DDX10: variants seen among roughly 807,000 people sequenced by gnomAD.
The protein encoded by DDX10 is DEAD-box helicase 10, also known as probable ATP-dependent RNA helicase DDX10.
In DDX10, 74 loss-of-function variants were observed where a neutral mutation model predicts 104.3. The ratio of observed to expected loss-of-function variants is 0.71; its 90% confidence interval spans 0.59 to 0.86. The LOEUF is 0.86. DDX10 is among the 40% of genes least tolerant of loss of function. The pLI, the probability that DDX10 is intolerant of heterozygous loss-of-function variation, is 0.00. For missense variants in DDX10, 952 were observed against 1,040.0 expected, an observed-to-expected ratio of 0.92 and a Z score of 1.16; for synonymous variants, 351 against 353.4, an observed-to-expected ratio of 0.99 and a Z score of 0.08.
chr11:108,832,153 G>C (rs751378596), intron 13 of DDX10, among the ~76,000 whole-genome samples: 2 of 151,782 alleles, frequency 1.3e-5, no homozygotes, highest in African/African-American at 2.4e-5. Context: ...TATATTTTTT[G>C]TTAATGAATT....
chr11:108,894,933 A>T (rs1385492003), intron 16 of DDX10, among the ~76,000 whole-genome samples: 1 of 151,982 alleles, frequency 6.6e-6, no homozygotes, highest in Non-Finnish European at 1.5e-5. Flanking sequence ...TTTCTCACAT[A>T]ACCTAGGTAG....
chr11:108,819,099 T>A (rs1862292078), intron 13 of DDX10, among the ~76,000 whole-genome samples: 1 of 152,190 alleles, frequency 6.6e-6, no homozygotes, highest in African/African-American at 2.4e-5. Context: ...TCCCTTCTTG[T>A]GACTTTGTTT....
At chr11:108,687,672 G>A (rs2094246300) in intron 6 of DDX10, among the ~76,000 whole-genome samples, 1 of 152,044 alleles carries the variant, frequency 6.6e-6, no homozygotes, top group African/African-American at 2.4e-5. Context: ...TGTATATTTT[G>A]GAGAACAGTC....
rs1360688478 is a variant in DDX10, at chr11:108,706,775, A to G, written c.1260A>G (p.Leu420=). The change falls in exon 10 of 18, where the codon CTA becomes CTG. Residue 420 remains leucine, a synonymous_variant. Coordinates refer to ENST00000322536, the MANE Select transcript of DDX10 (RefSeq NM_004398.4). The part of the protein sequence containing the change: ...KEDGEALLIL[L]PSEKAMVQQL... Reference sequence around the variant, plus strand: ...ATGGTGAAGCTTTGCTAATTTTGCTACCCTCAGAAAAAGCTATGGTGCAGC... The same window carrying G: ...ATGGTGAAGCTTTGCTAATTTTGCTGCCCTCAGAAAAAGCTATGGTGCAGC... 5 of 1,614,100 alleles carry G rather than the reference A, an allele frequency of 3.1e-6. No individual in the cohort carries two copies. Among genetic ancestry groups the G allele is most frequent in the Non-Finnish European group, 4.2e-6 (5 of 1,179,974 alleles).
At chr11:108,847,274 C>T (rs1591834209) in intron 15 of DDX10, among the ~76,000 whole-genome samples, 1 of 152,254 alleles carries the variant, frequency 6.6e-6, no homozygotes, top group South Asian at 2.1e-4. Flanking sequence ...GCCATGGATC[C>T]TATTTTTGAA....
At chr11:108,752,963 A>T (rs1364351378) in intron 13 of DDX10, among the ~76,000 whole-genome samples, 2 of 152,030 alleles carry the variant, frequency 1.3e-5, no homozygotes, top group Non-Finnish European at 2.9e-5. Flanking sequence ...CTGACATGTA[A>T]TATGTGCTAA....
At chr11:108,801,097 G>C (rs1862014691) in intron 13 of DDX10, among the ~76,000 whole-genome samples, 1 of 152,166 alleles carries the variant, frequency 6.6e-6, no homozygotes, top group Non-Finnish European at 1.5e-5. Flanking sequence ...TCATAGAAGA[G>C]GCCCTGTAGT....
intron 13 of DDX10, among the ~76,000 whole-genome samples, chr11:108,765,611 T>C (rs1341159938): frequency 6.6e-6 from 1 of 152,226 alleles, no homozygotes; most frequent in Non-Finnish European, 1.5e-5. Flanking sequence ...AGAGTTAGCC[T>C]GTATTTAATA....
chr11:108,860,506 A>AGAGGAGGAAGATGGG (rs1170721137), intron 16 of DDX10: 18 of 152,172 alleles, frequency 1.2e-4, no homozygotes, highest in African/African-American at 4.3e-4. Context: ...GAGGAAGAAA[A>AGAGGAGGAAGATGGG]GAGGAGGAAG....
intron 16 of DDX10, among the ~76,000 whole-genome samples, chr11:108,853,102 ATATTAAATATAAGCAG>A (rs1290923449): frequency 6.6e-6 from 1 of 152,194 alleles, no homozygotes; most frequent in East Asian, 1.9e-4. Flanking sequence ...AAGACTGCTT[ATATTAAATATAAGCAG>A]TATTAAATAT....
chr11:108,739,022 C>A (rs1428934678), intron 13 of DDX10, among the ~76,000 whole-genome samples: 1 of 152,096 alleles, frequency 6.6e-6, no homozygotes, highest in Non-Finnish European at 1.5e-5. Flanking sequence ...AACTTTCGCC[C>A]CTGAGGGAGA....
chr11:108,936,049 A>T lies in DDX10; in HGVS notation c.2451-4197A>T, dbSNP rs985776225. ...CTTTGCCACACAATTGCAGATTTTTAAAAAAATATTGAAAATAACCCATGA... is the reference window on the plus strand; with the variant it reads ...CTTTGCCACACAATTGCAGATTTTTTAAAAAATATTGAAAATAACCCATGA... On this transcript the variant is annotated intron_variant, in intron 17 of 17. Coordinates refer to ENST00000322536, the MANE Select transcript of DDX10 (RefSeq NM_004398.4). Among the ~76,000 whole-genome samples, 7 of 145,146 alleles carry T rather than the reference A, an allele frequency of 4.8e-5. No homozygotes were observed. In the South Asian group the frequency reaches 6.3e-4, roughly 13 times the overall value.
At chr11:108,895,485 T>C (rs1192599984) in intron 16 of DDX10, among the ~76,000 whole-genome samples, 1 of 152,064 alleles carries the variant, frequency 6.6e-6, no homozygotes, top group Non-Finnish European at 1.5e-5. Context: ...GATCCCAATT[T>C]AGTTTTCAGA....
intron 13 of DDX10, among the ~76,000 whole-genome samples, chr11:108,772,725 C>T (rs774214960): frequency 9.2e-5 from 14 of 152,180 alleles, no homozygotes; most frequent in Non-Finnish European, 1.2e-4. Flanking sequence ...GCCTGAGCTC[C>T]GTCTCTTGTC....
chr11:108,689,416 G>A lies in DDX10; in HGVS notation c.975+354G>A, dbSNP rs530273599. 7.2e-5 allele frequency among the ~76,000 whole-genome samples: 11 copies of A among 152,172 alleles called. 1 individual carries two copies. The South Asian group carries it at 1.9e-3, about 26-fold the overall frequency. ...TGAATATACCATTTATTTCCATGCC[G>A]TATATCTTTGTTTATGCTGATCTGT... On this transcript the variant is annotated intron_variant, in intron 7 of 17. Coordinates refer to ENST00000322536, the MANE Select transcript of DDX10 (RefSeq NM_004398.4).
At chr11:108,735,999 T>G (rs1446665286) in intron 13 of DDX10, among the ~76,000 whole-genome samples, 1 of 152,216 alleles carries the variant, frequency 6.6e-6, no homozygotes. Flanking sequence ...GATTTCATGA[T>G]GATTTAAATC....
intron 13 of DDX10, among the ~76,000 whole-genome samples, chr11:108,745,055 TCCCC>T (rs2094329731): frequency 1.6e-5 from 1 of 63,056 alleles, no homozygotes; most frequent in African/African-American, 6.8e-5. Context: ...CCTTCCCCCT[TCCCC>T]CTTCCCCCTT....
intron 17 of DDX10, chr11:108,918,384 A>G (rs1555041008): frequency 4.1e-6 from 1 of 246,006 alleles, no homozygotes; most frequent in Non-Finnish European, 7.6e-6. Flanking sequence ...TTAGGGTTTT[A>G]TTTTTTTTCA....
chr11:108,865,440 A>G (rs1862997056), intron 16 of DDX10, among the ~76,000 whole-genome samples: 1 of 152,158 alleles, frequency 6.6e-6, no homozygotes, highest in African/African-American at 2.4e-5. Context: ...GAGGTGTGTC[A>G]CTTATTCTGT....
Sources: allele counts gnomAD v4.1 joint callset (sites outside exome capture counted in the v4.1 genomes callset), GRCh38; gene constraint gnomAD v4.1.1; transcripts MANE v1.5; gene names NCBI Gene and HGNC (gene_info 2026-07-23, HGNC 2026-07-21).